GRID2: variants seen among roughly 807,000 people sequenced by gnomAD.
GRID2 encodes glutamate receptor ionotropic, delta-2.
GRID2 carries 33 observed loss-of-function variants against 114.8 expected under a neutral mutation model. That is an observed-to-expected ratio of 0.29 (90% CI 0.22 to 0.38). GRID2 has a LOEUF of 0.38. Among genes scored for constraint, GRID2 ranks in the 10% least tolerant of loss-of-function variants. The probability of loss-of-function intolerance (pLI) is 1.00; values close to 1 mark genes in which losing one functional copy is unlikely to be tolerated. For synonymous variants in GRID2, 505 were observed against 449.9 expected (o/e 1.12, Z -1.55); for missense variants, 1,184 against 1,257.7 (o/e 0.94, Z 0.89).
rs1188778188 is a variant in GRID2, at chr4:93,515,264, C to T, written c.2046C>T (p.Val682=). 8 of 1,611,570 alleles carry T rather than the reference C, an allele frequency of 5.0e-6. No homozygotes were observed. The Admixed American group carries it at 1.3e-4, about 27-fold the overall frequency. The part of the protein sequence containing the change: ...SKQTEIPYGT[V]LDSAVYEHVR... ...AAACAGAAATCCCTTATGGCACAGTCCTAGACTCTGCGGTATATGAGCATG... is the reference window on the plus strand; with the variant it reads ...AAACAGAAATCCCTTATGGCACAGTTCTAGACTCTGCGGTATATGAGCATG... The change falls in exon 13 of 16, where the codon GTC becomes GTT. Residue 682 remains valine (V), a synonymous_variant. Coordinates refer to ENST00000282020, the MANE Select transcript of GRID2 (RefSeq NM_001510.4).
At chr4:93,236,911 A>C (rs1426318033) in intron 7 of GRID2, among the ~76,000 whole-genome samples, 5 of 152,076 alleles carry the variant, frequency 3.3e-5, no homozygotes, top group South Asian at 4.1e-4. Flanking sequence ...AAAAATAAAG[A>C]ATTAAGTAAC....
In GRID2 at chr4:92,995,060, C is replaced by T. The variant is rs373652842; in HGVS notation, c.245-89935C>T. On this transcript the variant is annotated intron_variant, in intron 2 of 15. Transcript: ENST00000282020. Reference sequence around the variant, plus strand: ...GTCCTTGGAGGAATAAAAGGTTTGCCTTTGCCTTTCTCACAAGTTCTATTT... The same window carrying T: ...GTCCTTGGAGGAATAAAAGGTTTGCTTTTGCCTTTCTCACAAGTTCTATTT... 4.6e-4 allele frequency among the ~76,000 whole-genome samples: 70 copies of T among 152,254 alleles called. 2 individuals are homozygous for T. In the East Asian group the frequency reaches 7.7e-3, roughly 17 times the overall value.
intron 2 of GRID2, among the ~76,000 whole-genome samples, chr4:92,869,174 G>A (rs967868069): frequency 2.0e-5 from 3 of 152,154 alleles, no homozygotes; most frequent in Admixed American, 6.5e-5. Flanking sequence ...ATTACATCCC[G>A]CTTACAGTAA....
intron 2 of GRID2, among the ~76,000 whole-genome samples, chr4:92,854,010 A>T (rs1744006839): frequency 6.6e-6 from 1 of 151,878 alleles, no homozygotes; most frequent in Admixed American, 6.6e-5. Context: ...ATTAAAAAAA[A>T]AAAAAAGATG....
rs374732784 is a variant in GRID2, at chr4:93,744,029, C to T, written c.2361-25181C>T. Among the ~76,000 whole-genome samples the T allele has an allele frequency of 4.6e-5, 7 of 152,252 alleles. No homozygotes were observed. In the South Asian group the frequency reaches 8.3e-4, roughly 18 times the overall value. ...CTCTGCTTATACTCTATAAATGGAACGATAAAGCCTGGGTGACAGCACATC... is the reference window on the plus strand; with the variant it reads ...CTCTGCTTATACTCTATAAATGGAATGATAAAGCCTGGGTGACAGCACATC... On this transcript the variant is annotated intron_variant, in intron 14 of 15. Transcript: ENST00000282020.
At chr4:93,093,224 A>G (rs947810264) in intron 3 of GRID2, among the ~76,000 whole-genome samples, 1 of 152,046 alleles carries the variant, frequency 6.6e-6, no homozygotes, top group Non-Finnish European at 1.5e-5. Context: ...CAGGTCATTC[A>G]TAGATCAGGC....
chr4:93,059,818 A>C (rs571111597), intron 2 of GRID2, among the ~76,000 whole-genome samples: 1 of 152,166 alleles, frequency 6.6e-6, no homozygotes, highest in South Asian at 2.1e-4. Flanking sequence ...TTTAAAAAAA[A>C]AAAAGTATTC....
intron 8 of GRID2, among the ~76,000 whole-genome samples, chr4:93,343,681 T>A (rs979066432): frequency 2.3e-3 from 57 of 24,926 alleles, no homozygotes; most frequent in Non-Finnish European, 3.3e-3. Context: ...ATCAAAAAAA[T>A]TTTTTTAAAT....
At chr4:92,844,372 C>T in intron 2 of GRID2, among the ~76,000 whole-genome samples, 1 of 151,940 alleles carries the variant, frequency 6.6e-6, no homozygotes, top group East Asian at 1.9e-4. Flanking sequence ...AACCCCGTCT[C>T]TGCTAAAAAT....
intron 2 of GRID2, among the ~76,000 whole-genome samples, chr4:92,776,016 T>C (rs1214178513): frequency 3.9e-5 from 6 of 152,148 alleles, no homozygotes; most frequent in Non-Finnish European, 1.5e-5. Flanking sequence ...TGACACACTA[T>C]AGGAAGGCCA....
intron 2 of GRID2, among the ~76,000 whole-genome samples, chr4:92,784,058 G>A (rs1277133529): frequency 1.3e-5 from 2 of 151,904 alleles, no homozygotes; most frequent in Non-Finnish European, 2.9e-5. Flanking sequence ...CCTTGGGAAT[G>A]ATTTTTATCT....
chr4:93,651,872 C>G (rs1445119303), intron 14 of GRID2, among the ~76,000 whole-genome samples: 1 of 152,090 alleles, frequency 6.6e-6, no homozygotes, highest in Non-Finnish European at 1.5e-5. Context: ...ACCCCAGCCT[C>G]CAAACCTCTT....
intron 1 of GRID2, among the ~76,000 whole-genome samples, chr4:92,489,913 T>A (rs963681741): frequency 6.6e-6 from 1 of 151,960 alleles, no homozygotes; most frequent in Non-Finnish European, 1.5e-5. Flanking sequence ...GTGAAATTCA[T>A]GAAAGTTTAA....
intron 1 of GRID2, among the ~76,000 whole-genome samples, chr4:92,329,993 A>AG (rs1726794751): frequency 3.5e-4 from 46 of 132,582 alleles, no homozygotes; most frequent in African/African-American, 1.2e-3. Flanking sequence ...TATGGGAGGA[A>AG]AGAGAGAGAG....
intron 2 of GRID2, among the ~76,000 whole-genome samples, chr4:92,921,560 C>G (rs1205998198): frequency 6.6e-6 from 1 of 152,310 alleles, no homozygotes; most frequent in Admixed American, 6.5e-5. Flanking sequence ...AGTGTTCCTT[C>G]TAACAGTCAG....
At chr4:93,049,173 C>G (rs1329565114) in intron 2 of GRID2, among the ~76,000 whole-genome samples, 1 of 151,924 alleles carries the variant, frequency 6.6e-6, no homozygotes, top group African/African-American at 2.4e-5. Flanking sequence ...ATTCTGCACT[C>G]TTTTATTATA....
chr4:92,935,970 G>T (rs1465601804), intron 2 of GRID2, among the ~76,000 whole-genome samples: 2 of 145,802 alleles, frequency 1.4e-5, no homozygotes, highest in African/African-American at 2.4e-5. Context: ...CACCAGCATG[G>T]CACGTGTATA....
At chr4:93,400,405 T>C (rs867971834) in intron 9 of GRID2, among the ~76,000 whole-genome samples, 1 of 152,128 alleles carries the variant, frequency 6.6e-6, no homozygotes, top group Non-Finnish European at 1.5e-5. Flanking sequence ...TGCCCACTGA[T>C]CTTTACTTCT....
At chr4:92,967,485 A>G (rs1426195743) in intron 2 of GRID2, among the ~76,000 whole-genome samples, 1 of 151,758 alleles carries the variant, frequency 6.6e-6, no homozygotes, top group Non-Finnish European at 1.5e-5. Flanking sequence ...TTATTTATTT[A>G]TATGTGTCAT....
Sources: gnomAD v4.1 joint callset for allele counts (sites outside exome capture counted in the v4.1 genomes callset) on GRCh38, gnomAD v4.1.1 for gene constraint, MANE v1.5 for transcripts, NCBI Gene and HGNC (gene_info 2026-07-23, HGNC 2026-07-21) for gene names.